The following LIPC variants were observed in gnomAD, a reference collection of about 807,000 sequenced individuals.
The protein encoded by LIPC is hepatic triacylglycerol lipase.
A neutral mutation model predicts 50.7 loss-of-function variants in LIPC; 44 were observed. The observed-to-expected ratio is 0.87, with a 90% CI of 0.68 to 1.11. The LOEUF (loss-of-function observed/expected upper bound fraction) is 1.11, where lower values mean the gene tolerates loss of function less well. Ranked by LOEUF, LIPC falls within the 50% of genes most tolerant of loss-of-function variation. LIPC has a pLI of 0.00. For synonymous variants in LIPC, 271 were observed against 256.4 expected, an observed-to-expected ratio of 1.06 and a Z score of -0.54; for missense variants, 697 against 648.2, an observed-to-expected ratio of 1.08 and a Z score of -0.82.
intron 1 of LIPC, among the ~76,000 whole-genome samples, chr15:58,444,155 ACTCTTGGTGTATTATTGTT>A (rs1893604648): frequency 6.6e-6 from 1 of 151,584 alleles, no homozygotes; most frequent in Non-Finnish European, 1.5e-5. Flanking sequence ...ACAGTTGGGC[ACTCTTGGTGTATTATTGTT>A]CATGCCCTGG....
At chr15:58,445,394 G>A (rs2140655751) in intron 1 of LIPC, among the ~76,000 whole-genome samples, 1 of 152,332 alleles carries the variant, frequency 6.6e-6, no homozygotes, top group South Asian at 2.1e-4. Context: ...ACTCGCCCAG[G>A]CCTCAGACGA....
intron 1 of LIPC, among the ~76,000 whole-genome samples, chr15:58,446,179 C>T (rs1231288616): frequency 6.6e-6 from 1 of 152,128 alleles, no homozygotes; most frequent in Non-Finnish European, 1.5e-5. Flanking sequence ...CATGATACTT[C>T]AATTCTAAAT....
chr15:58,484,690 T>A (rs1891307004), intron 1 of LIPC, among the ~76,000 whole-genome samples: 1 of 151,934 alleles, frequency 6.6e-6, no homozygotes, highest in Admixed American at 6.6e-5. Flanking sequence ...GCCCACACAC[T>A]CTGACTCCAG....
intron 1 of LIPC, among the ~76,000 whole-genome samples, chr15:58,527,737 T>A (rs1892835485): frequency 6.6e-6 from 1 of 152,152 alleles, no homozygotes; most frequent in African/African-American, 2.4e-5. Flanking sequence ...GTATTCACAA[T>A]CCCTGACACA....
At chr15:58,433,817 G>C (rs951656214) in intron 1 of LIPC, among the ~76,000 whole-genome samples, 1 of 152,186 alleles carries the variant, frequency 6.6e-6, no homozygotes, top group Non-Finnish European at 1.5e-5. Context: ...ATTAGCAAGA[G>C]GGTTCCTCAG....
intron 1 of LIPC, among the ~76,000 whole-genome samples, chr15:58,446,916 G>A (rs35470847): frequency 0.12 from 18,052 of 152,100 alleles, 1,395 homozygotes; most frequent in Non-Finnish European, 0.18. Flanking sequence ...GGAGGCCAGA[G>A]GCAGGCAGAT....
intron 1 of LIPC, among the ~76,000 whole-genome samples, chr15:58,456,957 A>G (rs113827513): frequency 6.6e-6 from 1 of 152,222 alleles, no homozygotes; most frequent in Non-Finnish European, 1.5e-5. Flanking sequence ...CAAGTGGCAT[A>G]CCCAGGGAAA....
At chr15:58,557,437 C>T (rs1029187705) in intron 6 of LIPC, among the ~76,000 whole-genome samples, 103 of 117,304 alleles carry the variant, frequency 8.8e-4, no homozygotes, top group Admixed American at 9.1e-4. Flanking sequence ...CAGGCTGGAG[C>T]GCAGTGGCGC....
At position 58,569,384 on chromosome 15, in the gene LIPC, C is replaced by T. The variant is rs2140968256; in HGVS notation, c.*557C>T. 6.6e-6 allele frequency: 1 copy of T among 152,270 alleles called. No homozygotes were observed. Among genetic ancestry groups the T allele is most frequent in the South Asian group, 2.1e-4 (1 of 4,824 alleles). 9.4% of individuals were successfully genotyped at this position (152,270 alleles called of 1,614,324 possible). A position where few individuals can be genotyped will look rare whatever the true frequency, so the allele number is the denominator to read the frequency against. On this transcript the variant is annotated 3_prime_UTR_variant, in exon 9 of 9. Coordinates refer to ENST00000299022, the MANE Select transcript of LIPC (RefSeq NM_000236.3). ...GAACCAAACACTTACAAGTAGAATTCTACTAAAACTACTTGTGATAACAGT... is the reference window on the plus strand; with the variant it reads ...GAACCAAACACTTACAAGTAGAATTTTACTAAAACTACTTGTGATAACAGT...
At chr15:58,513,852 T>C (rs925987723) in intron 1 of LIPC, among the ~76,000 whole-genome samples, 1 of 152,146 alleles carries the variant, frequency 6.6e-6, no homozygotes, top group African/African-American at 2.4e-5. Flanking sequence ...CTCTTGGGTG[T>C]GGTGGGAGGA....
At chr15:58,464,264 G>A (rs553217793) in intron 1 of LIPC, among the ~76,000 whole-genome samples, 1 of 152,240 alleles carries the variant, frequency 6.6e-6, no homozygotes, top group African/African-American at 2.4e-5. Context: ...TTTCCTAGGA[G>A]CAGTACTCAT....
intron 1 of LIPC, among the ~76,000 whole-genome samples, chr15:58,477,952 T>C (rs1891053811): frequency 6.6e-6 from 1 of 151,912 alleles, no homozygotes; most frequent in Non-Finnish European, 1.5e-5. Context: ...CCCAGTCTCA[T>C]CTCACCTCCC....
chr15:58,494,874 C>A (rs1261548360), intron 1 of LIPC: 1 of 455,968 alleles, frequency 2.2e-6, no homozygotes, highest in Non-Finnish European at 4.4e-6. Context: ...CCTTAGCAAC[C>A]CTGGTTTTTC....
At position 58,563,673 on chromosome 15, in the gene LIPC, A is replaced by G; in HGVS notation, c.1338A>G (p.Ser446=). 2 of 1,614,022 alleles carry G rather than the reference A, an allele frequency of 1.2e-6. No homozygotes were observed. Among genetic ancestry groups the G allele is most frequent in the Non-Finnish European group, 1.7e-6 (2 of 1,180,046 alleles). Residue 446 remains serine, a synonymous_variant, in exon 8 of 9, where the codon TCA becomes TCG. Coordinates refer to ENST00000299022, the MANE Select transcript of LIPC (RefSeq NM_000236.3). ...CATGGAGCACAGGGCCGCGCCACTC[A>G]GGCCTCGTTCTGAAGACGATCAGAG... is the stretch of plus-strand genomic sequence containing the variant. ...IIPWSTGPRH[S]GLVLKTIRVK...
chr15:58,517,419 T>C (rs1197458164), intron 1 of LIPC, among the ~76,000 whole-genome samples: 1 of 152,264 alleles, frequency 6.6e-6, no homozygotes, highest in Non-Finnish European at 1.5e-5. Context: ...CCTAAGTCTC[T>C]TATGTGGCAA....
At chr15:58,480,935 G>T (rs1891165037) in intron 1 of LIPC, among the ~76,000 whole-genome samples, 9 of 152,228 alleles carry the variant, frequency 5.9e-5, no homozygotes, top group Admixed American at 5.9e-4. Context: ...CAGGTCCAGA[G>T]ACTTCGGTTC....
At chr15:58,500,070 C>T (rs546222259) in intron 1 of LIPC, among the ~76,000 whole-genome samples, 1 of 152,256 alleles carries the variant, frequency 6.6e-6, no homozygotes, top group East Asian at 1.9e-4. Context: ...GGGCACGGGG[C>T]AGAGTCTGAT....
intron 1 of LIPC, among the ~76,000 whole-genome samples, chr15:58,461,414 T>C (rs1268670826): frequency 6.6e-6 from 1 of 152,180 alleles, no homozygotes; most frequent in Non-Finnish European, 1.5e-5. Flanking sequence ...CTATGGTTTC[T>C]TTGTTTTTGA....
chr15:58,472,089 G>A (rs1337517142), intron 1 of LIPC, among the ~76,000 whole-genome samples: 1 of 151,616 alleles, frequency 6.6e-6, no homozygotes, highest in Non-Finnish European at 1.5e-5. Flanking sequence ...GATCAACATC[G>A]TGAAACCCCA....
Sources: allele counts gnomAD v4.1 joint callset (sites outside exome capture counted in the v4.1 genomes callset), GRCh38; gene constraint gnomAD v4.1.1; transcripts MANE v1.5; gene names NCBI Gene and HGNC (gene_info 2026-07-23, HGNC 2026-07-21).